CSMD3: variants seen among roughly 807,000 people sequenced by gnomAD.
CSMD3 encodes CUB and sushi domain-containing protein 3.
CSMD3 carries 177 observed loss-of-function variants against 435.2 expected under a neutral mutation model. The ratio of observed to expected loss-of-function variants is 0.41; its 90% CI spans 0.36 to 0.46. The LOEUF (loss-of-function observed/expected upper bound fraction) is 0.46, where lower values mean the gene tolerates loss of function less well. Ranked by LOEUF, CSMD3 falls within the 20% of genes least tolerant of loss-of-function variation. The pLI is 0.34. For synonymous variants in CSMD3, 1,656 were observed against 1,520.5 expected (o/e 1.09, Z -2.07); for missense variants, 4,265 against 4,504.6 (o/e 0.95, Z 1.52).
At chr8:112,698,548 G>A (rs2076310335) in intron 13 of CSMD3, among the ~76,000 whole-genome samples, 1 of 152,074 alleles carries the variant, frequency 6.6e-6, no homozygotes. Flanking sequence ...GATGAAACTG[G>A]AATACCTTGT....
chr8:112,695,529 C>G (rs1202443938), intron 13 of CSMD3, among the ~76,000 whole-genome samples: 3 of 152,136 alleles, frequency 2.0e-5, no homozygotes, highest in Non-Finnish European at 4.4e-5. Flanking sequence ...CAAAATTCAA[C>G]AGCCCTTCAT....
At chr8:112,266,805 T>C (rs1271056246) in intron 59 of CSMD3, among the ~76,000 whole-genome samples, 1 of 152,200 alleles carries the variant, frequency 6.6e-6, no homozygotes, top group Non-Finnish European at 1.5e-5. Context: ...ATAACTGTTT[T>C]GAGGCACAGG....
chr8:112,530,189 AT>A (rs1166712199), intron 27 of CSMD3, among the ~76,000 whole-genome samples: 1 of 152,180 alleles, frequency 6.6e-6, no homozygotes, highest in Non-Finnish European at 1.5e-5. Context: ...TATTTACATT[AT>A]GAGAGTGTCA....
chr8:112,856,737 C>A (rs1199514556), intron 11 of CSMD3, among the ~76,000 whole-genome samples: 2 of 151,762 alleles, frequency 1.3e-5, no homozygotes, highest in East Asian at 3.9e-4. Flanking sequence ...ATTTAGAACA[C>A]CATAATTGCT....
At chr8:112,670,808 G>T (rs1340265362) in intron 16 of CSMD3, among the ~76,000 whole-genome samples, 1 of 152,106 alleles carries the variant, frequency 6.6e-6, no homozygotes, top group Non-Finnish European at 1.5e-5. Flanking sequence ...AGAGAAAATA[G>T]AATCTGGAGC....
Position 112,795,869 on chromosome 8 carries a change from T to C in CSMD3, c.1972+4293A>G, listed in dbSNP as rs112910839. ...ACTGTGGCCAAATACCACACAAGTA[T>C]ACAAAAATCAAAAATTTTTCTTTAT... On this transcript the variant is annotated intron_variant, in intron 13 of 70. Coordinates refer to ENST00000297405, the MANE Select transcript of CSMD3 (RefSeq NM_198123.2). Among the ~76,000 whole-genome samples, 690 of 152,236 alleles carry C rather than the reference T, an allele frequency of 4.5e-3. 3 individuals are homozygous for C. The highest frequency in any genetic ancestry group is 7.0e-3 in the Non-Finnish European group (476 of 68,004).
chr8:112,330,501 T>C (rs1343004970), intron 45 of CSMD3, among the ~76,000 whole-genome samples: 1 of 152,136 alleles, frequency 6.6e-6, no homozygotes, highest in Non-Finnish European at 1.5e-5. Flanking sequence ...ATTTTGGCTA[T>C]ACTCTAGTCG....
intron 6 of CSMD3, among the ~76,000 whole-genome samples, chr8:112,990,705 G>T (rs1168334682): frequency 6.6e-6 from 1 of 151,768 alleles, no homozygotes; most frequent in Non-Finnish European, 1.5e-5. Flanking sequence ...TTGCAAGCAG[G>T]AATATCACAG....
At chr8:112,776,758 T>C (rs1318490443) in intron 13 of CSMD3, among the ~76,000 whole-genome samples, 3 of 151,818 alleles carry the variant, frequency 2.0e-5, no homozygotes, top group Non-Finnish European at 4.4e-5. Context: ...GACCATTATA[T>C]TGTTTCCTTA....
At position 112,424,189 on chromosome 8, in the gene CSMD3, G is replaced by T. The variant is rs144881683; in HGVS notation, c.5396-15157C>A. 9.1e-4 allele frequency among the ~76,000 whole-genome samples: 138 copies of T among 152,122 alleles called. 2 individuals are homozygous for T. The highest frequency in any genetic ancestry group is 3.2e-3 in the African/African-American group (132 of 41,504). On this transcript the variant is annotated intron_variant, in intron 32 of 70. Transcript: ENST00000297405. ...CAACCTACTTGCAGGAATAATTAAC[G>T]ATTCAAAGCCCAGATCGACGGCCAA...
chr8:113,431,655 A>G (rs1251215932), intron 1 of CSMD3, among the ~76,000 whole-genome samples: 2 of 152,204 alleles, frequency 1.3e-5, no homozygotes, highest in Non-Finnish European at 2.9e-5. Flanking sequence ...TAAGGAAGTA[A>G]ACTTTAGTTC....
At chr8:112,905,543 T>C (rs914051950) in intron 10 of CSMD3, among the ~76,000 whole-genome samples, 4 of 151,400 alleles carry the variant, frequency 2.6e-5, no homozygotes, top group Non-Finnish European at 5.9e-5. Context: ...AAAACACAAA[T>C]TTATTTTACA....
At chr8:112,714,453 T>G (rs1276851471) in intron 13 of CSMD3, among the ~76,000 whole-genome samples, 1 of 152,288 alleles carries the variant, frequency 6.6e-6, no homozygotes, top group East Asian at 1.9e-4. Context: ...ACAAAGAGAC[T>G]TAGACTCCCA....
intron 13 of CSMD3, among the ~76,000 whole-genome samples, chr8:112,728,752 A>C (rs1325209901): frequency 6.6e-6 from 1 of 152,076 alleles, no homozygotes; most frequent in Non-Finnish European, 1.5e-5. Context: ...ACATTAATAA[A>C]TTTGCATGCC....
intron 30 of CSMD3, among the ~76,000 whole-genome samples, chr8:112,498,216 T>C (rs1361536539): frequency 6.6e-6 from 1 of 152,136 alleles, no homozygotes; most frequent in Admixed American, 6.5e-5. Flanking sequence ...TTCTGTAATG[T>C]TTTTATTGCA....
intron 2 of CSMD3, among the ~76,000 whole-genome samples, chr8:113,299,337 T>G (rs2093746095): frequency 6.6e-6 from 1 of 152,214 alleles, no homozygotes. Flanking sequence ...TTGAAAAATA[T>G]GTGTAGAATA....
At chr8:113,140,797 T>C (rs2091529763) in intron 4 of CSMD3, among the ~76,000 whole-genome samples, 1 of 150,938 alleles carries the variant, frequency 6.6e-6, no homozygotes, top group Non-Finnish European at 1.5e-5. Flanking sequence ...ACATATGTTA[T>C]AAAAGAGGAA....
chr8:112,484,575 C>A (rs989379077), intron 31 of CSMD3, among the ~76,000 whole-genome samples: 2 of 151,846 alleles, frequency 1.3e-5, no homozygotes, highest in African/African-American at 4.8e-5. Context: ...TGAGGTCTCA[C>A]TTAAATGTAG....
intron 1 of CSMD3, among the ~76,000 whole-genome samples, chr8:113,361,850 A>G (rs2094279357): frequency 1.3e-5 from 2 of 152,194 alleles, no homozygotes; most frequent in Admixed American, 6.5e-5. Context: ...AATAGGAAAT[A>G]TAGTCCTAAT....
Sources: allele counts gnomAD v4.1 joint callset (sites outside exome capture counted in the v4.1 genomes callset), GRCh38; gene constraint gnomAD v4.1.1; transcripts MANE v1.5; gene names NCBI Gene and HGNC (gene_info 2026-07-23, HGNC 2026-07-21).